Variants in NASP observed in about 807,000 individuals in gnomAD.
NASP encodes the protein NASP histone chaperone.
NASP carries 24 observed loss-of-function variants against 89.5 expected under a neutral mutation model. The observed-to-expected ratio is 0.27, with a 90% CI of 0.19 to 0.38. The LOEUF is 0.38. NASP is among the 10% of genes least tolerant of loss of function. NASP has a pLI of 1.00. For synonymous variants in NASP, 306 were observed against 324.7 expected, an observed-to-expected ratio of 0.94 and a Z score of 0.62; for missense variants, 848 against 921.4, an observed-to-expected ratio of 0.92 and a Z score of 1.03.
chr1:45,607,200 C>A, intron 5 of NASP, 121 bp from the exon 6 acceptor site: 3 of 1,003,332 alleles, frequency 3.0e-6, no homozygotes, highest in South Asian at 1.8e-5. Context: ...ATTTTTAGGC[C>A]ATCTGCTGAA....
At chr1:45,612,027 A>G (rs1355014290) in intron 6 of NASP, 2 of 147,188 alleles carry the variant, frequency 1.4e-5, no homozygotes, top group African/African-American at 5.0e-5. Flanking sequence ...CACCTGGCTA[A>G]TTTTTTTGTT....
intron 11 of NASP, 141 bp from the exon 12 acceptor site, chr1:45,616,196 G>A (rs1644102488): frequency 2.7e-6 from 2 of 736,996 alleles, no homozygotes; most frequent in Non-Finnish European, 4.8e-6. Flanking sequence ...GGTGGGCCAG[G>A]GGTAGAACTG....
In NASP at chr1:45,607,907, A is replaced by G. The variant is rs1462850414; in HGVS notation, c.996A>G (p.Gln332=). Residue 332 remains glutamine, a synonymous_variant, in exon 6 of 15, where the codon CAA becomes CAG. Coordinates refer to ENST00000350030, the MANE Select transcript of NASP (RefSeq NM_002482.4). ...AGGCAGGAAAGGCGGTTCTTGAACA[A>G]CTGGTAGGTCAAGAAGTACCACCTG... ...ENEAGKAVLE[Q]LVGQEVPPAE... 6 of 1,614,164 alleles carry G rather than the reference A, an allele frequency of 3.7e-6. No homozygotes were observed. The highest frequency in any genetic ancestry group is 5.1e-6 in the Non-Finnish European group (6 of 1,180,038).
intron 3 of NASP, among the ~76,000 whole-genome samples, chr1:45,604,079 A>G (rs1570979007): frequency 6.6e-6 from 1 of 152,084 alleles, no homozygotes; most frequent in East Asian, 1.9e-4. Context: ...AAAATTTGAG[A>G]TGTCTTATTC....
In NASP at chr1:45,617,542, G is replaced by A. The variant is rs1644127537; in HGVS notation, c.2237G>A (p.Gly746Glu). The change falls in exon 14 of 15, where the codon GGG becomes GAG. Residue 746 changes from glycine to glutamate, a missense_variant. By Grantham distance (98) the Gly-to-Glu change is moderately conservative. Coordinates refer to ENST00000350030, the MANE Select transcript of NASP (RefSeq NM_002482.4). Reference protein sequence around the residue: ...KQEPEVNGGSGDAVPSGNEVS... With the variant: ...KQEPEVNGGSEDAVPSGNEVS... ...GAGCCGGAGGTGAACGGAGGCAGTGGGGATGCTGTCCCCAGTGGAAATGAA... is the reference window on the plus strand; with the variant it reads ...GAGCCGGAGGTGAACGGAGGCAGTGAGGATGCTGTCCCCAGTGGAAATGAA... The A allele has an allele frequency of 6.2e-7, 1 of 1,609,670 alleles. No homozygotes were observed. Among genetic ancestry groups the A allele is most frequent in the South Asian group, 1.1e-5 (1 of 90,494 alleles).
chr1:45,614,550 T>C (rs1347195883), intron 9 of NASP, among the ~76,000 whole-genome samples, 184 bp downstream of exon 9: 1 of 11,950 alleles, frequency 8.4e-5, no homozygotes, highest in Non-Finnish European at 1.7e-4. Context: ...TTTGTTTTGT[T>C]TTTTTTGAGA....
At chr1:45,613,127 T>G in intron 6 of NASP, 42 bp from the exon 7 acceptor site, 1 of 1,582,166 alleles carries the variant, frequency 6.3e-7, no homozygotes, top group Admixed American at 1.8e-5. Context: ...TCAGAATACG[T>G]TCTTAGTTAT....
At chr1:45,591,135 C>G in intron 1 of NASP, 88 bp from the exon 2 acceptor site, 2 of 763,368 alleles carry the variant, frequency 2.6e-6, no homozygotes, top group Non-Finnish European at 4.2e-6. Flanking sequence ...CTCTTTTATT[C>G]CTTTATATTT....
At position 45,606,575 on chromosome 1, in the gene NASP, TA is replaced by T; in HGVS notation, c.395del (p.Asn132MetfsTer4). On this transcript the variant is annotated frameshift_variant, in exon 5 of 15. Coordinates refer to ENST00000350030, the MANE Select transcript of NASP (RefSeq NM_002482.4). LOFTEE classifies it high-confidence loss of function. ...CAGAAGATGAATCTCTGGTAGAAAATAATGATAACATAGATGGTATGTGGAG... is the reference window on the plus strand; with the variant it reads ...CAGAAGATGAATCTCTGGTAGAAAATATGATAACATAGATGGTATGTGGAG... The part of the protein sequence containing the change: ...KTEDESLVEN[N>X]DNIDEEAREE... 6.2e-7 allele frequency: 1 copy of T among 1,601,242 alleles called. No homozygotes were observed. Among genetic ancestry groups the T allele is most frequent in the Non-Finnish European group, 8.6e-7 (1 of 1,168,442 alleles).
At chr1:45,584,447 G>C (rs1219117563) in intron 1 of NASP, among the ~76,000 whole-genome samples, 2 of 152,170 alleles carry the variant, frequency 1.3e-5, no homozygotes, top group Non-Finnish European at 2.9e-5. Context: ...CCATCTTGCC[G>C]GGGGCAGCGG....
intron 14 of NASP, 52 bp from the exon 15 acceptor site, chr1:45,618,002 TATAAGAC>T: frequency 6.8e-7 from 1 of 1,476,762 alleles, no homozygotes; most frequent in Non-Finnish European, 9.3e-7. Context: ...GCCTCAGTTA[TATAAGAC>T]AGAATGGCTT....
At chr1:45,599,953 A>ATTTTTTTTTTTTTTTTTTTTTT (rs11302173) in intron 2 of NASP, among the ~76,000 whole-genome samples, 3 of 79,076 alleles carry the variant, frequency 3.8e-5, no homozygotes, top group Admixed American at 1.5e-4. Context: ...TTTCCTCTGT[A>ATTTTTTTTTTTTTTTTTTTTTT]TTTTTTTTTT....
At chr1:45,586,167 G>C (rs1220621168) in intron 1 of NASP, among the ~76,000 whole-genome samples, 2 of 152,022 alleles carry the variant, frequency 1.3e-5, no homozygotes, top group Non-Finnish European at 2.9e-5. Context: ...GTGGGGGTGG[G>C]GGGGCAGGGT....
At chr1:45,592,395 G>A (rs1023693655) in intron 2 of NASP, among the ~76,000 whole-genome samples, 1 of 152,204 alleles carries the variant, frequency 6.6e-6, no homozygotes, top group African/African-American at 2.4e-5. Flanking sequence ...TTACCAGCCT[G>A]ATCTACCATG....
In NASP at chr1:45,616,697, A is replaced by G. The variant is rs1173490295; in HGVS notation, c.2151A>G (p.Arg717=). ...NCVTDISHLV[R]KKRKPEEESP... ...TGACTGATATTTCCCACCTTGTCAG[A>G]AAGAAGGTAAGTCTACATGTGGTGT... is the stretch of plus-strand genomic sequence containing the variant. The change falls in exon 13 of 15, where the codon AGA becomes AGG. Residue 717 remains arginine, a synonymous_variant. Coordinates refer to ENST00000350030, the MANE Select transcript of NASP (RefSeq NM_002482.4). 1.2e-6 allele frequency: 2 copies of G among 1,612,812 alleles called. No individual in the cohort carries two copies. Among genetic ancestry groups the G allele is most frequent in the South Asian group, 2.2e-5 (2 of 91,068 alleles).
At chr1:45,601,092 A>G (rs1347420770) in intron 2 of NASP, among the ~76,000 whole-genome samples, 1 of 152,166 alleles carries the variant, frequency 6.6e-6, no homozygotes, top group Non-Finnish European at 1.5e-5. Context: ...AGTTTTGCAT[A>G]TATTTTCTCC....
intron 7 of NASP, 57 bp downstream of exon 7, chr1:45,613,305 G>C (rs575648451): frequency 5.0e-5 from 78 of 1,549,370 alleles, no homozygotes; most frequent in Middle Eastern, 1.8e-4. Context: ...TGGGAGACTG[G>C]AGCTCACTCT....
In NASP at chr1:45,607,402, C is replaced by T; in HGVS notation, c.491C>T (p.Ser164Phe). ...KEEAKKTEDKSLAKPETDKEQ... is the reference protein window; with the variant it reads ...KEEAKKTEDKFLAKPETDKEQ... ...GAAGCCAAAAAAACAGAAGACAAGT[C>T]TTTGGCAAAGCCTGAAACTGATAAA... The change falls in exon 6 of 15, where the codon TCT (serine) becomes TTT (phenylalanine). Residue 164 changes from serine to phenylalanine, a missense_variant. This residue lies in a region of NASP where 464 missense variants were observed against 469.4 expected (regional missense o/e 0.99). Coordinates refer to ENST00000350030, the MANE Select transcript of NASP (RefSeq NM_002482.4). 1 of 1,613,968 alleles carries T rather than the reference C, an allele frequency of 6.2e-7. No individual in the cohort carries two copies. Among genetic ancestry groups the T allele is most frequent in the Non-Finnish European group, 8.5e-7 (1 of 1,179,940 alleles).
In NASP at chr1:45,613,252, T is replaced by C; in HGVS notation, c.1506+4T>C. On this transcript the variant is annotated splice_donor_region_variant and intron_variant, in intron 7 of 14. Coordinates refer to ENST00000350030, the MANE Select transcript of NASP (RefSeq NM_002482.4). ...TGATTCAGTCCTTGAAAACAAGGTA[T>C]GTTGTTAGCCACTCAGTACTGTTGT... is the stretch of plus-strand genomic sequence containing the variant. 6.2e-7 allele frequency: 1 copy of C among 1,608,654 alleles called. No homozygotes were observed. Among genetic ancestry groups the C allele is most frequent in the Non-Finnish European group, 8.5e-7 (1 of 1,177,480 alleles).
Sources: allele counts gnomAD v4.1 joint callset (sites outside exome capture counted in the v4.1 genomes callset), GRCh38; gene constraint gnomAD v4.1.1; regional missense constraint gnomAD v4.1.1; transcripts MANE v1.5; gene names NCBI Gene and HGNC (gene_info 2026-07-23, HGNC 2026-07-21).